AVL9: variants seen among roughly 807,000 people sequenced by gnomAD.
The protein encoded by AVL9 is AVL9 cell migration associated.
AVL9 carries 49 observed loss-of-function variants against 79.2 expected under a neutral mutation model. The observed-to-expected ratio is 0.62, with a 90% CI of 0.49 to 0.79. The LOEUF (loss-of-function observed/expected upper bound fraction) is 0.79, where lower values mean the gene tolerates loss of function less well. AVL9 is among the 30% of genes least tolerant of loss of function. The pLI is 0.00. For synonymous variants in AVL9, 299 were observed against 280.6 expected, an observed-to-expected ratio of 1.07 and a Z score of -0.65; for missense variants, 682 against 776.8, an observed-to-expected ratio of 0.88 and a Z score of 1.45.
intron 1 of AVL9, among the ~76,000 whole-genome samples, chr7:32,524,732 T>G (rs988481029): frequency 6.6e-6 from 1 of 152,178 alleles, no homozygotes; most frequent in Admixed American, 6.5e-5. Flanking sequence ...GCAGTGCTAG[T>G]TGGGACAAAT....
intron 1 of AVL9, among the ~76,000 whole-genome samples, chr7:32,522,622 G>A (rs1295992398): frequency 1.3e-5 from 2 of 152,150 alleles, no homozygotes; most frequent in Non-Finnish European, 2.9e-5. Context: ...ACTTTGGTCT[G>A]TGGACTTTTA....
intron 1 of AVL9, among the ~76,000 whole-genome samples, chr7:32,501,497 G>T (rs1787123939): frequency 6.6e-6 from 1 of 152,136 alleles, no homozygotes; most frequent in African/African-American, 2.4e-5. Flanking sequence ...TTGGTAGATG[G>T]TTTTTCCTGA....
At chr7:32,531,616 A>G (rs1788659438) in intron 1 of AVL9, 1 of 152,056 alleles carries the variant, frequency 6.6e-6, no homozygotes, top group Non-Finnish European at 1.5e-5. Context: ...TCCTCGCAGG[A>G]GGGAGCACAC....
intron 12 of AVL9, 116 bp downstream of exon 12, chr7:32,573,534 G>T: frequency 1.1e-6 from 1 of 926,862 alleles, no homozygotes. Context: ...AAAATTACCA[G>T]TTATTCCCTC....
chr7:32,552,255 C>G lies in AVL9; in HGVS notation c.489C>G (p.Ser163=). 6.2e-7 allele frequency: 1 copy of G among 1,603,484 alleles called. No individual in the cohort carries two copies. Among genetic ancestry groups the G allele is most frequent in the Non-Finnish European group, 8.5e-7 (1 of 1,171,404 alleles). Residue 163 remains serine (S), a synonymous_variant, in exon 6 of 16, where the codon TCC becomes TCG. Transcript: ENST00000318709. ...AGCTTTATGAACATATGAATAGTTCCTTGGGAGGTGCTTCATTAGAAGGAT... is the reference window on the plus strand; with the variant it reads ...AGCTTTATGAACATATGAATAGTTCGTTGGGAGGTGCTTCATTAGAAGGAT... ...LKELYEHMNS[S]LGGASLEGSQ...
intron 1 of AVL9, among the ~76,000 whole-genome samples, chr7:32,505,250 G>A (rs1429524517): frequency 6.6e-6 from 1 of 151,868 alleles, no homozygotes; most frequent in Non-Finnish European, 1.5e-5. Flanking sequence ...CTTCGGCTGG[G>A]CGTGGTGGCT....
intron 10 of AVL9, 38 bp downstream of exon 10, chr7:32,559,502 T>A: frequency 6.7e-7 from 1 of 1,498,580 alleles, no homozygotes. Flanking sequence ...CCTTAAAGAA[T>A]TTGAAAAATC....
At chr7:32,573,102 A>T in intron 11 of AVL9, 97 bp from the exon 12 acceptor site, 1 of 904,746 alleles carries the variant, frequency 1.1e-6, no homozygotes. Context: ...CATATTTTTT[A>T]TTTCCAGCTC....
At position 32,583,833 on chromosome 7, in the gene AVL9, A is replaced by G. The variant is rs1193631704; in HGVS notation, c.1873A>G (p.Met625Val). The G allele has an allele frequency of 6.2e-6, 10 of 1,613,954 alleles. No homozygotes were observed. Among genetic ancestry groups the G allele is most frequent in the Non-Finnish European group, 5.1e-6 (6 of 1,179,972 alleles). The change falls in exon 16 of 16, where the codon ATG becomes GTG. Residue 625 changes from methionine (M) to valine (V), a missense_variant. By Grantham distance (21) the Met-to-Val change is conservative (BLOSUM62 1). Transcript: ENST00000318709. The stretch of plus-strand genomic sequence containing the variant: ...AGCTTTTTCCAGTGCAAAGACAGCT[A>G]TGTCTTCATGGCTTTCCACTTTCAC... ...GGAFSSAKTA[M>V]SSWLSTFTTS...
chr7:32,517,275 C>T (rs75883990), intron 1 of AVL9, among the ~76,000 whole-genome samples: 209 of 151,390 alleles, frequency 1.4e-3, no homozygotes, highest in Non-Finnish European at 2.6e-3. Context: ...TTCAAGTTCA[C>T]GTGACAGTAA....
intron 1 of AVL9, chr7:32,538,896 A>G (rs115198110): frequency 2.0e-5 from 3 of 152,318 alleles, no homozygotes; most frequent in South Asian, 4.1e-4. Flanking sequence ...AGAATAGGGC[A>G]TCCTCAGAGA....
At chr7:32,516,174 T>G (rs186821278) in intron 1 of AVL9, among the ~76,000 whole-genome samples, 45 of 152,312 alleles carry the variant, frequency 3.0e-4, no homozygotes, top group Non-Finnish European at 5.9e-4. Flanking sequence ...CTTTTGTGAG[T>G]AGCAGAGATT....
chr7:32,525,335 A>G (rs1788355019), intron 1 of AVL9, among the ~76,000 whole-genome samples: 1 of 152,214 alleles, frequency 6.6e-6, no homozygotes, highest in African/African-American at 2.4e-5. Context: ...TGGTTATTTT[A>G]CCAAGACTTT....
At chr7:32,551,599 A>T (rs1789822338) in intron 5 of AVL9, among the ~76,000 whole-genome samples, 176 bp downstream of exon 5, 2 of 26,798 alleles carry the variant, frequency 7.5e-5, no homozygotes. Context: ...ACTAAATTTA[A>T]CCAAACTTTT....
At chr7:32,577,745 T>C (rs1400516805) in intron 13 of AVL9, among the ~76,000 whole-genome samples, 2 of 152,180 alleles carry the variant, frequency 1.3e-5, no homozygotes, top group Non-Finnish European at 2.9e-5. Flanking sequence ...TTAAAAGGAT[T>C]ATGAAATAGT....
rs575493955 is a variant in AVL9, at chr7:32,566,781, G to A, written c.1216-3239G>A. On this transcript the variant is annotated intron_variant, in intron 10 of 15. Coordinates refer to ENST00000318709, the MANE Select transcript of AVL9 (RefSeq NM_015060.3). ...GCCTGTAGTCTCAGCTACTCCGGAGGCTGAGGCAGGAGAGTGGCATGAACC... is the reference window on the plus strand; with the variant it reads ...GCCTGTAGTCTCAGCTACTCCGGAGACTGAGGCAGGAGAGTGGCATGAACC... Among the ~76,000 whole-genome samples, 14 of 152,212 alleles carry A rather than the reference G, an allele frequency of 9.2e-5. 1 individual carries two copies. In the South Asian group the frequency reaches 1.7e-3, roughly 18 times the overall value.
At chr7:32,520,875 G>A (rs1233745438) in intron 1 of AVL9, among the ~76,000 whole-genome samples, 2 of 152,114 alleles carry the variant, frequency 1.3e-5, no homozygotes, top group African/African-American at 4.8e-5. Flanking sequence ...GAATTCACAT[G>A]TGTTGTGGGA....
At chr7:32,532,689 C>T (rs1788717190) in intron 1 of AVL9, 1 of 152,192 alleles carries the variant, frequency 6.6e-6, no homozygotes, top group Non-Finnish European at 1.5e-5. Context: ...CCTTTATTCA[C>T]TTGAATGTAT....
At chr7:32,552,020 A>G (rs1231425927) in intron 5 of AVL9, among the ~76,000 whole-genome samples, 4 of 20,718 alleles carry the variant, frequency 1.9e-4, no homozygotes, top group African/African-American at 6.3e-4. Flanking sequence ...TTCATACTCA[A>G]CTGCCCACGT....
Sources: gnomAD v4.1 joint callset for allele counts (sites outside exome capture counted in the v4.1 genomes callset) on GRCh38, gnomAD v4.1.1 for gene constraint, MANE v1.5 for transcripts, NCBI Gene and HGNC (gene_info 2026-07-23, HGNC 2026-07-21) for gene names.